The following ARMC8 variants were observed in gnomAD, a reference collection of about 807,000 sequenced individuals.
ARMC8 encodes armadillo repeat-containing protein 8.
In ARMC8, 20 loss-of-function variants were observed where a neutral mutation model predicts 99.3. The ratio of observed to expected loss-of-function variants is 0.20; its 90% CI spans 0.14 to 0.29. The LOEUF is 0.29. Among genes scored for constraint, ARMC8 ranks in the 10% least tolerant of loss-of-function variants. The pLI is 1.00. For missense variants in ARMC8, 569 were observed against 809.5 expected, an observed-to-expected ratio of 0.70 and a Z score of 3.60; for synonymous variants, 263 against 278.3, an observed-to-expected ratio of 0.95 and a Z score of 0.55.
intron 1 of ARMC8, among the ~76,000 whole-genome samples, chr3:138,202,601 C>T (rs1455970404): frequency 3.9e-5 from 6 of 152,196 alleles, no homozygotes; most frequent in African/African-American, 1.4e-4. Flanking sequence ...GACGTGATAA[C>T]ATCACCATTT....
intron 1 of ARMC8, among the ~76,000 whole-genome samples, chr3:138,192,671 C>T (rs2107948214): frequency 1.3e-5 from 2 of 152,266 alleles, no homozygotes; most frequent in South Asian, 4.1e-4. Flanking sequence ...CTGCCTCAGC[C>T]TTCCAAGTAG....
Position 138,241,835 on chromosome 3 carries a change from G to C in ARMC8, c.890G>C (p.Arg297Thr). The part of the protein sequence containing the change: ...MCSKERLLEE[R>T]VEGAETLAYL... Reference sequence around the variant, plus strand: ...AGTAAGGAGAGATTACTAGAGGAGAGAGTTGAAGGAGCTGAGACACTTGCC... The same window carrying C: ...AGTAAGGAGAGATTACTAGAGGAGACAGTTGAAGGAGCTGAGACACTTGCC... The change falls in exon 11 of 22, where the codon AGA becomes ACA. Residue 297 changes from arginine to threonine, a missense_variant. Physicochemically the swap from Arg to Thr is moderately conservative, Grantham distance 71. This residue lies in a region of ARMC8 where 342 missense variants were observed against 391.6 expected (regional missense o/e 0.87). Coordinates refer to ENST00000469044, the MANE Select transcript of ARMC8 (RefSeq NM_001363941.2). 3 of 1,614,062 alleles carry C rather than the reference G, an allele frequency of 1.9e-6. No individual in the cohort carries two copies. Among genetic ancestry groups the C allele is most frequent in the Non-Finnish European group, 2.5e-6 (3 of 1,179,978 alleles).
At chr3:138,243,400 C>A (rs75087875) in intron 11 of ARMC8, among the ~76,000 whole-genome samples, 1 of 152,084 alleles carries the variant, frequency 6.6e-6, no homozygotes, top group South Asian at 2.1e-4. Flanking sequence ...ACACTAGACC[C>A]GTAAAGAGAA....
chr3:138,281,872 C>T (rs868818184), intron 18 of ARMC8, among the ~76,000 whole-genome samples: 1 of 152,076 alleles, frequency 6.6e-6, no homozygotes, highest in African/African-American at 2.4e-5. Flanking sequence ...CATTTCTCTT[C>T]CCCCCATGAA....
intron 18 of ARMC8, among the ~76,000 whole-genome samples, chr3:138,281,280 A>G (rs2049892249): frequency 6.6e-6 from 1 of 151,248 alleles, no homozygotes; most frequent in Non-Finnish European, 1.5e-5. Flanking sequence ...GAGTTGGCCC[A>G]ATAATTGATT....
chr3:138,273,158 A>G (rs764683735), intron 17 of ARMC8, 42 bp downstream of exon 17: 17 of 1,576,704 alleles, frequency 1.1e-5, no homozygotes, highest in Middle Eastern at 1.7e-4. Flanking sequence ...CTAGCCCTGC[A>G]TATGCATTGC....
intron 1 of ARMC8, among the ~76,000 whole-genome samples, chr3:138,196,887 G>T (rs1275040268): frequency 1.3e-5 from 2 of 151,998 alleles, no homozygotes; most frequent in Non-Finnish European, 2.9e-5. Flanking sequence ...TTTTTTTTAA[G>T]TCATTTAAAA....
At chr3:138,241,387 A>G (rs1407682898) in intron 10 of ARMC8, among the ~76,000 whole-genome samples, 1 of 152,226 alleles carries the variant, frequency 6.6e-6, no homozygotes, top group African/African-American at 2.4e-5. Flanking sequence ...TCCTAAGGCA[A>G]AATCATTCCT....
At chr3:138,273,752 G>A (rs2048997410) in intron 17 of ARMC8, among the ~76,000 whole-genome samples, 1 of 151,710 alleles carries the variant, frequency 6.6e-6, no homozygotes, top group Non-Finnish European at 1.5e-5. Flanking sequence ...ATAGTATTAG[G>A]AAATCTACAC....
At chr3:138,215,649 G>T (rs576869188) in intron 2 of ARMC8, among the ~76,000 whole-genome samples, 2 of 151,958 alleles carry the variant, frequency 1.3e-5, no homozygotes, top group African/African-American at 4.8e-5. Context: ...AAATATTTTG[G>T]TAGATTTTAC....
chr3:138,221,294 T>C (rs1480138071), intron 2 of ARMC8, among the ~76,000 whole-genome samples: 1 of 152,164 alleles, frequency 6.6e-6, no homozygotes, highest in African/African-American at 2.4e-5. Flanking sequence ...TTCTAAGCAA[T>C]TTAAAAATAT....
chr3:138,286,127 G>A (rs945050199), intron 19 of ARMC8, among the ~76,000 whole-genome samples: 3 of 152,102 alleles, frequency 2.0e-5, no homozygotes, highest in Non-Finnish European at 4.4e-5. Flanking sequence ...ATTTTTAGAA[G>A]AGATGGGGTT....
At chr3:138,267,130 G>C in intron 14 of ARMC8, 25 bp from the exon 15 acceptor site, 1 of 1,215,782 alleles carries the variant, frequency 8.2e-7, no homozygotes, top group Non-Finnish European at 1.2e-6. Flanking sequence ...CAAATCATTA[G>C]TAGTATCCTT....
intron 12 of ARMC8, chr3:138,262,610 AAAAT>A (rs1329953036): frequency 3.2e-6 from 5 of 1,581,636 alleles, no homozygotes; most frequent in South Asian, 2.4e-5. Context: ...AAAAAAAAAA[AAAAT>A]TTAGGTGCCT....
chr3:138,274,874 T>C (rs1445582516), intron 18 of ARMC8, among the ~76,000 whole-genome samples: 3 of 152,148 alleles, frequency 2.0e-5, no homozygotes, highest in Non-Finnish European at 4.4e-5. Context: ...GATAAATAAA[T>C]AGTGGTTTCT....
Position 138,297,867 on chromosome 3 carries a change from G to A in ARMC8, c.*1975G>A, listed in dbSNP as rs992846491. 6.6e-6 allele frequency: 1 copy of A among 152,134 alleles called. No individual in the cohort carries two copies. The highest frequency in any genetic ancestry group is 1.5e-5 in the Non-Finnish European group (1 of 68,032). The allele number at this position is 152,134 out of a possible 1,614,324, so 9.4% of individuals were successfully genotyped here. ...ATAGTGTTGGTATTAAATAGTACTA[G>A]GTAAATATAAAGAAACCAATAATGA... On this transcript the variant is annotated 3_prime_UTR_variant, in exon 22 of 22. Transcript: ENST00000469044.
intron 7 of ARMC8, among the ~76,000 whole-genome samples, chr3:138,236,956 C>G (rs548051678): frequency 6.6e-6 from 1 of 152,200 alleles, no homozygotes; most frequent in South Asian, 2.1e-4. Flanking sequence ...TAAAAGTATT[C>G]TATTTTTTTA....
chr3:138,255,977 GGAAAA>G (rs1267747849), intron 12 of ARMC8, among the ~76,000 whole-genome samples: 4 of 152,036 alleles, frequency 2.6e-5, no homozygotes, highest in Admixed American at 1.3e-4. Flanking sequence ...AAAAAAGAAA[GGAAAA>G]GAAGAAGAAG....
chr3:138,214,878 C>T (rs935569725), intron 2 of ARMC8, among the ~76,000 whole-genome samples: 3 of 152,108 alleles, frequency 2.0e-5, no homozygotes, highest in East Asian at 1.9e-4. Flanking sequence ...GGGCTGTTCT[C>T]GAACTCCTGA....
Sources: gnomAD v4.1 joint callset for allele counts (sites outside exome capture counted in the v4.1 genomes callset) on GRCh38, gnomAD v4.1.1 for gene constraint, gnomAD v4.1.1 regional missense constraint, MANE v1.5 for transcripts, NCBI Gene and HGNC (gene_info 2026-07-23, HGNC 2026-07-21) for gene names.